Variants in NPNT observed in about 807,000 individuals in gnomAD.
NPNT encodes nephronectin, also known as preosteoblast EGF-like repeat protein with MAM domain.
In NPNT, 45 loss-of-function variants were observed where a neutral mutation model predicts 68.6. The observed-to-expected ratio is 0.66, with a 90% CI of 0.52 to 0.84. The LOEUF is 0.84. NPNT is among the 40% of genes least tolerant of loss of function. The pLI, the probability that NPNT is intolerant of heterozygous loss-of-function variation, is 0.00. For missense variants in NPNT, 672 were observed against 714.8 expected (o/e 0.94, Z 0.68); for synonymous variants, 233 against 253.3 (o/e 0.92, Z 0.76).
At position 105,924,605 on chromosome 4, in the gene NPNT, G is replaced by T. The variant is rs573549382; in HGVS notation, c.173-2731G>T. Among the ~76,000 whole-genome samples, 5 of 152,290 alleles carry T rather than the reference G, an allele frequency of 3.3e-5. No individual in the cohort carries two copies. In the South Asian group the frequency reaches 1.0e-3, roughly 32 times the overall value. On this transcript the variant is annotated intron_variant, in intron 2 of 11. Coordinates refer to ENST00000379987, the MANE Select transcript of NPNT (RefSeq NM_001033047.3). ...TAACAGTGTTGGCCTGTTGGAATGT[G>T]TGCATTTGATGTGCTCAAGATTAGG...
chr4:105,911,955 C>A, intron 2 of NPNT: 1 of 490,264 alleles, frequency 2.0e-6, no homozygotes. Context: ...AGAAGAATAG[C>A]ATAACTTCAA....
At chr4:105,916,534 T>C (rs566722698) in intron 2 of NPNT, among the ~76,000 whole-genome samples, 1 of 152,320 alleles carries the variant, frequency 6.6e-6, no homozygotes, top group East Asian at 1.9e-4. Flanking sequence ...GCACATTTAT[T>C]TTTTAAGTTT....
intron 8 of NPNT, among the ~76,000 whole-genome samples, chr4:105,953,218 A>G (rs1001807294): frequency 2.0e-5 from 3 of 152,180 alleles, no homozygotes; most frequent in East Asian, 3.9e-4. Flanking sequence ...TCTTTCTAAA[A>G]CTTTATTAAA....
At position 105,937,131 on chromosome 4, in the gene NPNT, A is replaced by C. The variant is rs976010775; in HGVS notation, c.385+3A>C. The C allele has an allele frequency of 8.7e-6, 14 of 1,612,774 alleles. No homozygotes were observed. The highest frequency in any genetic ancestry group is 5.0e-5 in the Admixed American group (3 of 59,826). On this transcript the variant is annotated splice_donor_region_variant and intron_variant, in intron 4 of 11. Transcript: ENST00000379987. ...CATGCCGGATGGTTCCTGCTCAAGT[A>C]TGTCAAGAATCTTAACTGTTTTATA...
chr4:105,946,569 A>C (rs1185400310), intron 8 of NPNT, among the ~76,000 whole-genome samples: 1 of 152,204 alleles, frequency 6.6e-6, no homozygotes, highest in African/African-American at 2.4e-5. Context: ...CGGGGATGAC[A>C]TCACATATCA....
chr4:105,919,643 T>A (rs2149343578), intron 2 of NPNT, among the ~76,000 whole-genome samples: 1 of 152,240 alleles, frequency 6.6e-6, no homozygotes, highest in East Asian at 1.9e-4. Flanking sequence ...TATCAATTGC[T>A]TGGTAGAATC....
intron 1 of NPNT, 148 bp downstream of exon 1, chr4:105,895,871 G>A: frequency 1.4e-6 from 1 of 710,470 alleles, no homozygotes; most frequent in African/African-American, 1.8e-5. Context: ...GGCGCGAGGA[G>A]AGCGGTCCAG....
chr4:105,899,745 A>G (rs575119960), intron 2 of NPNT, among the ~76,000 whole-genome samples: 1 of 152,236 alleles, frequency 6.6e-6, no homozygotes, highest in Non-Finnish European at 1.5e-5. Flanking sequence ...TACTATTAAC[A>G]TTGAAGTTGG....
intron 1 of NPNT, among the ~76,000 whole-genome samples, chr4:105,896,884 TAAG>T (rs765844564): frequency 6.6e-6 from 1 of 152,178 alleles, no homozygotes; most frequent in Non-Finnish European, 1.5e-5. Flanking sequence ...TTGAAAAAGA[TAAG>T]GAGACTTTAA....
chr4:105,932,663 C>G (rs1729204047), intron 3 of NPNT: 2 of 1,536,058 alleles, frequency 1.3e-6, no homozygotes, highest in Middle Eastern at 1.7e-4. Flanking sequence ...AGCCTCTTTT[C>G]CAACCCCTGG....
intron 8 of NPNT, among the ~76,000 whole-genome samples, chr4:105,953,490 T>G (rs1345592258): frequency 6.6e-6 from 1 of 152,226 alleles, no homozygotes; most frequent in African/African-American, 2.4e-5. Context: ...AACTTTTCTC[T>G]AACATGGTTA....
intron 2 of NPNT, among the ~76,000 whole-genome samples, chr4:105,924,004 CTT>C (rs1274535499): frequency 6.6e-6 from 1 of 151,986 alleles, no homozygotes; most frequent in Non-Finnish European, 1.5e-5. Context: ...CACGAGAACA[CTT>C]TGCACTCACT....
Position 105,958,458 on chromosome 4 carries a change from C to T in NPNT, c.1160-13C>T. 10 of 1,575,438 alleles carry T rather than the reference C, an allele frequency of 6.3e-6. No individual in the cohort carries two copies. Among genetic ancestry groups the T allele is most frequent in the Non-Finnish European group, 8.7e-6 (10 of 1,146,548 alleles). ...ACACACACACACAAAAACTCAAAAC[C>T]TTTCTCTTGCAGTTCCACGGCAACC... On this transcript the variant is annotated splice_polypyrimidine_tract_variant and intron_variant, in intron 8 of 11. Transcript: ENST00000379987.
intron 5 of NPNT, 54 bp downstream of exon 5, chr4:105,938,474 A>G: frequency 6.3e-7 from 1 of 1,584,048 alleles, no homozygotes; most frequent in Non-Finnish European, 8.6e-7. Context: ...ATAAAGGGAG[A>G]AAGTGAAAGG....
intron 8 of NPNT, among the ~76,000 whole-genome samples, chr4:105,947,429 T>G (rs1286186238): frequency 6.6e-6 from 1 of 152,224 alleles, no homozygotes; most frequent in African/African-American, 2.4e-5. Flanking sequence ...CCATGAAATC[T>G]TCACAATTTA....
At chr4:105,912,870 TTTTGTTTG>T (rs532711035) in intron 2 of NPNT, among the ~76,000 whole-genome samples, 159 of 152,266 alleles carry the variant, frequency 1.0e-3, no homozygotes, top group African/African-American at 3.8e-3. Context: ...ACAATGTTCT[TTTTGTTTG>T]TTTGTTTGAA....
intron 2 of NPNT, among the ~76,000 whole-genome samples, chr4:105,899,532 G>C (rs558000518): frequency 1.4e-4 from 21 of 152,252 alleles, no homozygotes; most frequent in African/African-American, 5.1e-4. Context: ...CTGGAAACTG[G>C]AGTTACCACC....
intron 2 of NPNT, among the ~76,000 whole-genome samples, chr4:105,901,678 T>C (rs1726431162): frequency 6.6e-6 from 1 of 152,202 alleles, no homozygotes; most frequent in African/African-American, 2.4e-5. Flanking sequence ...TGTTTTCTTA[T>C]GTTTCTGCTG....
intron 2 of NPNT, among the ~76,000 whole-genome samples, chr4:105,910,325 C>T (rs1486952516): frequency 6.6e-6 from 1 of 152,134 alleles, no homozygotes; most frequent in Non-Finnish European, 1.5e-5. Context: ...GGAGAGAGTT[C>T]TAGAATTCTA....
Sources: gnomAD v4.1 joint callset for allele counts (sites outside exome capture counted in the v4.1 genomes callset) on GRCh38, gnomAD v4.1.1 for gene constraint, MANE v1.5 for transcripts, NCBI Gene and HGNC (gene_info 2026-07-23, HGNC 2026-07-21) for gene names.